Variants in PLGRKT observed in about 807,000 individuals in gnomAD.
PLGRKT encodes plasminogen receptor with a C-terminal lysine.
Under a neutral mutation model 18.5 loss-of-function variants are expected in PLGRKT, and 22 were observed. The ratio of observed to expected loss-of-function variants is 1.19; its 90% CI spans 0.85 to 1.70. The LOEUF (loss-of-function observed/expected upper bound fraction) is 1.70, where lower values mean the gene tolerates loss of function less well. Ranked by LOEUF, PLGRKT falls within the 40% of genes most tolerant of loss-of-function variation. PLGRKT has a pLI of 0.00. For missense variants in PLGRKT, 235 were observed against 174.4 expected, an observed-to-expected ratio of 1.35 and a Z score of -1.96; for synonymous variants, 72 against 52.8, an observed-to-expected ratio of 1.36 and a Z score of -1.58.
At chr9:5,412,120 G>T (rs1013250422) in intron 3 of PLGRKT, among the ~76,000 whole-genome samples, 18 of 152,102 alleles carry the variant, frequency 1.2e-4, no homozygotes, top group African/African-American at 4.4e-4. Flanking sequence ...ACTGACCAGT[G>T]AATTAGAGTG....
intron 3 of PLGRKT, among the ~76,000 whole-genome samples, chr9:5,425,962 T>A (rs1011937580): frequency 2.0e-5 from 3 of 152,212 alleles, no homozygotes; most frequent in Non-Finnish European, 4.4e-5. Flanking sequence ...GAGGTGCCAT[T>A]AAATTTAAAA....
intron 3 of PLGRKT, among the ~76,000 whole-genome samples, chr9:5,424,394 A>G (rs1203308440): frequency 1.5e-5 from 2 of 130,868 alleles, no homozygotes; most frequent in Admixed American, 8.6e-5. Flanking sequence ...ATATTATAAA[A>G]CATAATATAT....
chr9:5,434,009 G>A (rs926490657), intron 2 of PLGRKT, among the ~76,000 whole-genome samples: 2 of 147,080 alleles, frequency 1.4e-5, no homozygotes, highest in African/African-American at 2.5e-5. Context: ...GAGGAAGTGA[G>A]GAGCGCCTCT....
At chr9:5,409,680 T>G (rs116378623) in intron 3 of PLGRKT, among the ~76,000 whole-genome samples, 2,602 of 152,292 alleles carry the variant, frequency 0.017, 68 homozygotes, top group African/African-American at 0.054. Flanking sequence ...CCCAAAGCCT[T>G]GGGAGCCCAT....
rs180867163 is a variant in PLGRKT, at chr9:5,418,686, C to T, written c.81+13211G>A. On this transcript the variant is annotated intron_variant, in intron 3 of 5. Coordinates refer to ENST00000223864, the MANE Select transcript of PLGRKT (RefSeq NM_018465.4). The surrounding 1 kb of genome is among the most constrained non-coding windows in gnomAD (Gnocchi z 4.2). ...AGATGGGCAGGGGCAGCATGTAGCA[C>T]CCACTGCCGGGAAGTCTGATGAAGA... The T allele has an allele frequency of 1.1e-3, 748 of 664,856 alleles. 3 individuals are homozygous for T. Among genetic ancestry groups the T allele is most frequent in the Admixed American group, 2.7e-3 (128 of 48,068 alleles). 41.2% of individuals were successfully genotyped at this position (664,856 alleles called of 1,614,324 possible).
intron 3 of PLGRKT, among the ~76,000 whole-genome samples, chr9:5,411,384 CAAAA>C (rs78144379): frequency 8.2e-6 from 1 of 122,456 alleles, no homozygotes; most frequent in African/African-American, 3.1e-5. Flanking sequence ...GACCCTGTTT[CAAAA>C]AAAAAAAAAA....
intron 2 of PLGRKT, among the ~76,000 whole-genome samples, chr9:5,433,885 G>A (rs1366715316): frequency 6.7e-6 from 1 of 149,166 alleles, no homozygotes; most frequent in Non-Finnish European, 1.5e-5. Context: ...CCCCGTCTGG[G>A]ATGTGAGGAG....
intron 3 of PLGRKT, among the ~76,000 whole-genome samples, chr9:5,412,143 T>A (rs559439238): frequency 1.3e-5 from 2 of 152,122 alleles, no homozygotes; most frequent in Non-Finnish European, 2.9e-5. Context: ...CAGAAACAAA[T>A]GCAAGTACAT....
At chr9:5,391,778 C>T (rs528437657) in intron 3 of PLGRKT, among the ~76,000 whole-genome samples, 3 of 151,946 alleles carry the variant, frequency 2.0e-5, no homozygotes, top group Non-Finnish European at 4.4e-5. Flanking sequence ...AAACTTTTAG[C>T]AAGCCAAGAC....
chr9:5,433,907 G>A (rs867608764), intron 2 of PLGRKT, among the ~76,000 whole-genome samples: 23 of 143,034 alleles, frequency 1.6e-4, no homozygotes, highest in African/African-American at 3.9e-4. Flanking sequence ...GCCTCTGCCC[G>A]GCTGCCCCAT....
chr9:5,404,848 G>A (rs1818225179), intron 3 of PLGRKT, among the ~76,000 whole-genome samples: 1 of 152,158 alleles, frequency 6.6e-6, no homozygotes, highest in Admixed American at 6.5e-5. Flanking sequence ...GTCTTTGTTT[G>A]CAGATGACAT....
intron 3 of PLGRKT, among the ~76,000 whole-genome samples, chr9:5,376,409 C>A (rs563065834): frequency 6.6e-6 from 1 of 152,188 alleles, no homozygotes; most frequent in Non-Finnish European, 1.5e-5. Context: ...GTCCCTTAAT[C>A]TCTCTGTTTC....
In PLGRKT at chr9:5,387,785, A is replaced by T. The variant is rs141871460; in HGVS notation, c.82-25897T>A. On this transcript the variant is annotated intron_variant, in intron 3 of 5. Coordinates refer to ENST00000223864, the MANE Select transcript of PLGRKT (RefSeq NM_018465.4). ...GTGCACATCACTATATCTATGTTAT[A>T]CTTTAACATAAGAAGAAAGGAAGGA... 6.2e-3 allele frequency among the ~76,000 whole-genome samples: 948 copies of T among 151,914 alleles called. 36 individuals carry two copies. Among genetic ancestry groups the T allele is most frequent in the African/African-American group, 0.021 (870 of 41,224 alleles).
chr9:5,407,077 C>T (rs772762461), intron 3 of PLGRKT, among the ~76,000 whole-genome samples: 3 of 152,094 alleles, frequency 2.0e-5, no homozygotes, highest in East Asian at 1.9e-4. Flanking sequence ...ATAAAATTTT[C>T]TCAAAGTAAA....
At chr9:5,362,857 T>G (rs141803463) in intron 3 of PLGRKT, among the ~76,000 whole-genome samples, 1 of 152,202 alleles carries the variant, frequency 6.6e-6, no homozygotes, top group Non-Finnish European at 1.5e-5. Flanking sequence ...TCAGATGGGT[T>G]TGGGAATCCC....
At chr9:5,419,748 A>G (rs1818538160) in intron 3 of PLGRKT, among the ~76,000 whole-genome samples, 1 of 152,260 alleles carries the variant, frequency 6.6e-6, no homozygotes. Context: ...GACATAAAAA[A>G]TGGTAACCCT....
rs1442321648 is a variant in PLGRKT at position 5,370,015 on chromosome 9, C to T, written c.82-8127G>A. On this transcript the variant is annotated intron_variant, in intron 3 of 5. Transcript: ENST00000223864. ...ATAACGTGTTGATGGGTGCAGCAAA[C>T]CACCATGGCACTATGTAACAAACCT... 5.9e-5 allele frequency among the ~76,000 whole-genome samples: 9 copies of T among 152,116 alleles called. 1 individual carries two copies. Among genetic ancestry groups the T allele is most frequent in the Admixed American group, 4.6e-4 (7 of 15,270 alleles).
intron 2 of PLGRKT, among the ~76,000 whole-genome samples, chr9:5,432,685 A>C (rs1818854017): frequency 6.6e-6 from 1 of 151,944 alleles, no homozygotes; most frequent in Admixed American, 6.6e-5. Context: ...TTTGGTGGAG[A>C]CGGGGTTTTG....
chr9:5,375,141 T>C (rs75012617), intron 3 of PLGRKT, among the ~76,000 whole-genome samples: 3 of 152,216 alleles, frequency 2.0e-5, no homozygotes, highest in Non-Finnish European at 4.4e-5. Context: ...ATAAAACTTT[T>C]CTGGTCCTTT....
Sources: allele counts gnomAD v4.1 joint callset (sites outside exome capture counted in the v4.1 genomes callset), GRCh38; gene constraint gnomAD v4.1.1; non-coding constraint Gnocchi (gnomAD v3.1); transcripts MANE v1.5; gene names NCBI Gene and HGNC (gene_info 2026-07-23, HGNC 2026-07-21).